The following CCDC15 variants were observed in gnomAD, a reference collection of about 807,000 sequenced individuals.
CCDC15 encodes coiled-coil domain-containing protein 15.
In CCDC15, 105 loss-of-function variants were observed where a neutral mutation model predicts 114.5. The ratio of observed to expected loss-of-function variants is 0.92; its 90% CI spans 0.78 to 1.08. The LOEUF is 1.08. CCDC15 is among the 50% of genes least tolerant of loss of function. The pLI, the probability that CCDC15 is intolerant of heterozygous loss-of-function variation, is 0.00. For missense variants in CCDC15, 1,105 were observed against 1,093.6 expected (o/e 1.01, Z -0.15); for synonymous variants, 334 against 377.8 (o/e 0.88, Z 1.34).
chr11:124,986,670 T>TGTGTGG, intron 6 of CCDC15, 72 bp from the exon 7 acceptor site: 1 of 937,518 alleles, frequency 1.1e-6, no homozygotes, highest in Non-Finnish European at 1.4e-6. Context: ...CATGGTGCTG[T>TGTGTGG]GTGTGTGTGT....
chr11:124,988,439 C>T (rs542803637), intron 8 of CCDC15, among the ~76,000 whole-genome samples: 4 of 152,148 alleles, frequency 2.6e-5, no homozygotes, highest in African/African-American at 7.2e-5. Context: ...TCTGAGTCTT[C>T]GGCAAGCCAT....
chr11:124,968,418 C>T (rs566064163), intron 4 of CCDC15, among the ~76,000 whole-genome samples: 7 of 152,302 alleles, frequency 4.6e-5, no homozygotes, highest in Admixed American at 1.3e-4. Context: ...CGGACTGCTG[C>T]GCTAGCAGTG....
intron 4 of CCDC15, among the ~76,000 whole-genome samples, chr11:124,964,257 A>T (rs1217142848): frequency 3.3e-5 from 5 of 152,092 alleles, no homozygotes. Context: ...CACGATATTG[A>T]TTCTTCCTGT....
At chr11:124,962,730 T>C (rs1947690926) in intron 4 of CCDC15, among the ~76,000 whole-genome samples, 1 of 152,112 alleles carries the variant, frequency 6.6e-6, no homozygotes, top group Non-Finnish European at 1.5e-5. Flanking sequence ...ACATGTGCCA[T>C]GTTGGTGTGC....
chr11:124,976,082 T>C (rs544003736), intron 5 of CCDC15, among the ~76,000 whole-genome samples: 3 of 151,922 alleles, frequency 2.0e-5, no homozygotes. Flanking sequence ...ACCATTAATT[T>C]ATTTTTTAAT....
intron 10 of CCDC15, 86 bp downstream of exon 10, chr11:124,992,773 C>A: frequency 1.4e-6 from 1 of 727,624 alleles, no homozygotes; most frequent in South Asian, 2.0e-5. Context: ...TGAAGCCTGT[C>A]AAGCTAGCTT....
intron 4 of CCDC15, among the ~76,000 whole-genome samples, 156 bp downstream of exon 4, chr11:124,960,159 A>G (rs1298441030): frequency 6.7e-6 from 1 of 149,286 alleles, no homozygotes; most frequent in African/African-American, 2.5e-5. Context: ...TTAGCTTTGT[A>G]AAGTGGGGAA....
intron 13 of CCDC15, among the ~76,000 whole-genome samples, chr11:125,025,238 T>A (rs1948693127): frequency 1.3e-5 from 2 of 149,996 alleles, no homozygotes; most frequent in African/African-American, 4.9e-5. Context: ...AAACCAACTC[T>A]GGGTTCCTGG....
intron 13 of CCDC15, among the ~76,000 whole-genome samples, chr11:125,019,713 A>T (rs1948649828): frequency 6.6e-6 from 1 of 151,960 alleles, no homozygotes; most frequent in South Asian, 2.1e-4. Flanking sequence ...TATAAAACAG[A>T]TTTGCCAGGA....
rs1426431589 is a variant in CCDC15, at chr11:124,987,622, A to G, written c.1396A>G (p.Lys466Glu). 6.2e-7 allele frequency: 1 copy of G among 1,613,886 alleles called. No homozygotes were observed. The highest frequency in any genetic ancestry group is 2.2e-5 in the East Asian group (1 of 44,896). The change falls in exon 8 of 16, where the codon AAA (lysine) becomes GAA (glutamate). Residue 466 changes from lysine to glutamate, a missense_variant. Lys to Glu is a moderately conservative substitution (Grantham distance 56, BLOSUM62 1). Transcript: ENST00000344762. Reference sequence around the variant, plus strand: ...CCACAAAGACCAAGATATTCTGCCAAAATATCAGGACCAGAATTTTCTACC... The same window carrying G: ...CCACAAAGACCAAGATATTCTGCCAGAATATCAGGACCAGAATTTTCTACC... ...VLHKDQDILP[K>E]YQDQNFLPKD...
rs111363402 is a variant in CCDC15 at position 124,982,693 on chromosome 11, A to G, written c.754-4049A>G. Among the ~76,000 whole-genome samples the G allele has an allele frequency of 7.8e-3, 1,193 of 152,160 alleles. 14 individuals are homozygous for G. The highest frequency in any genetic ancestry group is 0.027 in the African/African-American group (1,131 of 41,520). On this transcript the variant is annotated intron_variant, in intron 6 of 15. Transcript: ENST00000344762. ...ATGGGATTCCCTTTGTAGATGACCTATCTCTTCTCCCTGGCTGCCTTTAAC... is the reference window on the plus strand; with the variant it reads ...ATGGGATTCCCTTTGTAGATGACCTGTCTCTTCTCCCTGGCTGCCTTTAAC...
chr11:124,976,159 T>C (rs1947969678), intron 5 of CCDC15, among the ~76,000 whole-genome samples: 1 of 150,592 alleles, frequency 6.6e-6, no homozygotes. Context: ...ATTTAGTTCT[T>C]TCCCAGTTTT....
intron 13 of CCDC15, among the ~76,000 whole-genome samples, chr11:125,015,491 A>G (rs1948622913): frequency 6.6e-6 from 1 of 152,216 alleles, no homozygotes; most frequent in Non-Finnish European, 1.5e-5. Flanking sequence ...TTTTAATAAA[A>G]TAAACTCCTA....
At chr11:124,983,633 G>A (rs1046923552) in intron 6 of CCDC15, among the ~76,000 whole-genome samples, 1 of 152,136 alleles carries the variant, frequency 6.6e-6, no homozygotes, top group African/African-American at 2.4e-5. Context: ...GCCTCTTAAG[G>A]TTAGGAACCT....
chr11:125,005,834 G>T (rs1381420644), intron 13 of CCDC15, among the ~76,000 whole-genome samples: 4 of 151,988 alleles, frequency 2.6e-5, no homozygotes, highest in Non-Finnish European at 5.9e-5. Context: ...TTTTAGATTG[G>T]CTTTTTATAC....
intron 6 of CCDC15, among the ~76,000 whole-genome samples, chr11:124,979,301 C>T (rs1278512398): frequency 6.6e-6 from 1 of 151,190 alleles, no homozygotes; most frequent in Non-Finnish European, 1.5e-5. Flanking sequence ...TATGAATTTT[C>T]AAATAGTTTC....
intron 11 of CCDC15, 45 bp downstream of exon 11, chr11:124,993,288 T>G: frequency 1.6e-6 from 2 of 1,269,498 alleles, no homozygotes; most frequent in South Asian, 2.5e-5. Context: ...TCTAGAGAAG[T>G]AGAGCAGAAT....
In CCDC15 at chr11:125,016,734, C is replaced by G. The variant is rs376660314; in HGVS notation, c.2411+11522C>G. 7.2e-5 allele frequency among the ~76,000 whole-genome samples: 11 copies of G among 152,106 alleles called. 1 individual carries two copies. The East Asian group carries it at 1.5e-3, about 21-fold the overall frequency. On this transcript the variant is annotated intron_variant, in intron 13 of 15. Transcript: ENST00000344762. The stretch of plus-strand genomic sequence containing the variant: ...GTTCATTTGACTGAAGGCAACATAC[C>G]CCTGCTGTGGGTGTTTTATGTCTAA...
chr11:125,024,617 T>C (rs1214664018), intron 13 of CCDC15, among the ~76,000 whole-genome samples: 1 of 152,110 alleles, frequency 6.6e-6, no homozygotes, highest in Non-Finnish European at 1.5e-5. Context: ...CTTGCTAATG[T>C]ATGGAAATGC....
Sources: allele counts gnomAD v4.1 joint callset (sites outside exome capture counted in the v4.1 genomes callset), GRCh38; gene constraint gnomAD v4.1.1; transcripts MANE v1.5; gene names NCBI Gene and HGNC (gene_info 2026-07-23, HGNC 2026-07-21).